Variants in SLC14A2 observed in about 807,000 individuals in gnomAD.
The protein encoded by SLC14A2 is urea transporter 2.
A neutral mutation model predicts 104.6 loss-of-function variants in SLC14A2; 91 were observed. That is an observed-to-expected ratio of 0.87 (90% CI 0.73 to 1.04). The LOEUF is 1.04. SLC14A2 is among the 50% of genes least tolerant of loss of function. The probability of loss-of-function intolerance (pLI) is 0.00; values close to 1 mark genes in which losing one functional copy is unlikely to be tolerated. For missense variants in SLC14A2, 1,189 were observed against 1,156.0 expected (o/e 1.03, Z -0.41); for synonymous variants, 476 against 466.4 (o/e 1.02, Z -0.27).
At position 45,436,869 on chromosome 18, in the gene SLC14A2, T is replaced by A. The variant is rs75783470; in HGVS notation, c.-124-46364T>A. On this transcript the variant is annotated intron_variant, in intron 1 of 20. Coordinates refer to the SLC14A2 transcript ENST00000586448. Reference sequence around the variant, plus strand: ...AACCAAAAAACAATGCATATTCACATCAAAAGGTGGGTGCAAGGGAAAGGG... The same window carrying A: ...AACCAAAAAACAATGCATATTCACAACAAAAGGTGGGTGCAAGGGAAAGGG... Among the ~76,000 whole-genome samples, 162 of 152,046 alleles carry A rather than the reference T, an allele frequency of 1.1e-3. No individual in the cohort carries two copies. In the East Asian group the frequency reaches 0.025, roughly 23 times the overall value.
Position 45,314,739 on chromosome 18 carries a change from C to A in SLC14A2, c.-125+101548C>A, listed in dbSNP as rs73429921. Among the ~76,000 whole-genome samples, 234 of 152,292 alleles carry A rather than the reference C, an allele frequency of 1.5e-3. 1 individual carries two copies. The highest frequency in any genetic ancestry group is 5.2e-3 in the African/African-American group (217 of 41,564). ...ACCTGGAGATAAAAGAACAAAAATC[C>A]TTCAACAATGTTGTAATGTCCTTGG... On this transcript the variant is annotated intron_variant, in intron 1 of 20. Coordinates refer to the SLC14A2 transcript ENST00000586448.
At chr18:45,634,461 T>C (rs553701934) in intron 5 of SLC14A2, among the ~76,000 whole-genome samples, 45 of 152,336 alleles carry the variant, frequency 3.0e-4, no homozygotes, top group African/African-American at 1.0e-3. Flanking sequence ...ATTCCAGACA[T>C]GTGTGCTCAG....
chr18:45,600,155 A>G (rs1427598632), intron 2 of SLC14A2, among the ~76,000 whole-genome samples: 1 of 152,190 alleles, frequency 6.6e-6, no homozygotes, highest in Non-Finnish European at 1.5e-5. Flanking sequence ...AGAAAATAAG[A>G]GGCAGTTAAA....
chr18:45,403,711 C>T (rs1417810112), intron 1 of SLC14A2, among the ~76,000 whole-genome samples: 1 of 152,008 alleles, frequency 6.6e-6, no homozygotes, highest in Admixed American at 6.6e-5. Flanking sequence ...TTCTTTCTAT[C>T]CCCAGTATCA....
chr18:45,523,162 TAAAC>T (rs952296571), intron 2 of SLC14A2, among the ~76,000 whole-genome samples: 5 of 146,172 alleles, frequency 3.4e-5, no homozygotes, highest in African/African-American at 1.0e-4. Flanking sequence ...AAGGATTAAA[TAAAC>T]AAAGGAGGGA....
At chr18:45,224,434 G>T (rs1350904) in intron 1 of SLC14A2, among the ~76,000 whole-genome samples, 2 of 151,996 alleles carry the variant, frequency 1.3e-5, no homozygotes, top group Non-Finnish European at 1.5e-5. Flanking sequence ...GCAGGTCAGG[G>T]CAGATGGGTG....
intron 1 of SLC14A2, among the ~76,000 whole-genome samples, chr18:45,276,400 A>G (rs2084703315): frequency 6.6e-6 from 1 of 152,240 alleles, no homozygotes; most frequent in Non-Finnish European, 1.5e-5. Flanking sequence ...AAGGAAGTCA[A>G]GAAAGACTTA....
chr18:45,263,818 A>G (rs766549470), intron 1 of SLC14A2, among the ~76,000 whole-genome samples: 3 of 152,156 alleles, frequency 2.0e-5, no homozygotes, highest in African/African-American at 4.8e-5. Flanking sequence ...AGCCACTGCA[A>G]TATGTTCCAG....
chr18:45,539,272 T>C (rs971847946), intron 2 of SLC14A2, among the ~76,000 whole-genome samples: 12 of 151,980 alleles, frequency 7.9e-5, no homozygotes, highest in African/African-American at 2.4e-4. Flanking sequence ...TTATTGTACT[T>C]GTGAGGAAGA....
intron 2 of SLC14A2, among the ~76,000 whole-genome samples, chr18:45,599,522 T>C (rs1241207754): frequency 6.6e-6 from 1 of 152,212 alleles, no homozygotes; most frequent in Non-Finnish European, 1.5e-5. Context: ...ACAATTCTGT[T>C]TTGTGATGGG....
At chr18:45,625,287 G>A (rs767684858) in intron 2 of SLC14A2, among the ~76,000 whole-genome samples, 1 of 152,192 alleles carries the variant, frequency 6.6e-6, no homozygotes, top group Non-Finnish European at 1.5e-5. Flanking sequence ...TGAAATTACA[G>A]AAGGTATTGG....
Position 45,644,283 on chromosome 18 carries a change from A to G in SLC14A2, c.1351+123A>G, listed in dbSNP as rs1347124754. The G allele has an allele frequency of 3.5e-5, 30 of 854,936 alleles. No homozygotes were observed. The Admixed American group carries it at 7.7e-4, about 22-fold the overall frequency. The allele number at this position is 854,936 out of a possible 1,614,324, so 53.0% of individuals were successfully genotyped here. ...TCTTTGCCTCTCCTTGCACCTGTGT[A>G]GAACCAAGCACACCTGTAACTTTCT... On this transcript the variant is annotated intron_variant, in intron 10 of 19. Transcript: ENST00000255226.
chr18:45,605,132 C>T (rs1393042671), intron 2 of SLC14A2, among the ~76,000 whole-genome samples: 2 of 152,166 alleles, frequency 1.3e-5, no homozygotes, highest in East Asian at 1.9e-4. Flanking sequence ...TGAGCAACCA[C>T]CAGCATCTTA....
the SLC14A2 span, among the ~76,000 whole-genome samples, chr18:45,183,787 G>A: frequency 2.0e-5 from 3 of 151,180 alleles, no homozygotes. Context: ...GCTGGATGGA[G>A]TGCAGTGGTG....
intron 1 of SLC14A2, among the ~76,000 whole-genome samples, chr18:45,220,097 C>A (rs1232879882): frequency 7.6e-6 from 1 of 131,972 alleles, no homozygotes; most frequent in Non-Finnish European, 1.7e-5. Context: ...GAGTGTCCAC[C>A]TTAGACTTAG....
intron 2 of SLC14A2, chr18:45,528,764 G>A (rs777083413): frequency 2.0e-5 from 3 of 152,202 alleles, no homozygotes; most frequent in Non-Finnish European, 4.4e-5. Context: ...GTGCTAGATA[G>A]CACCCAAGGA....
intron 1 of SLC14A2, among the ~76,000 whole-genome samples, chr18:45,402,068 C>A (rs938894389): frequency 6.6e-6 from 1 of 152,082 alleles, no homozygotes; most frequent in Non-Finnish European, 1.5e-5. Context: ...GAAGCCAAAT[C>A]CCCCTCTAGC....
At chr18:45,372,645 G>A (rs1054726850) in intron 1 of SLC14A2, among the ~76,000 whole-genome samples, 7 of 152,264 alleles carry the variant, frequency 4.6e-5, no homozygotes, top group African/African-American at 1.4e-4. Context: ...CCGATGCAGG[G>A]TAGGGCCTGA....
At chr18:45,351,788 A>C (rs1170374648) in intron 1 of SLC14A2, among the ~76,000 whole-genome samples, 1 of 152,236 alleles carries the variant, frequency 6.6e-6, no homozygotes, top group Non-Finnish European at 1.5e-5. Flanking sequence ...GATGAGACAG[A>C]CATGAAACAG....
Sources: allele counts gnomAD v4.1 joint callset (sites outside exome capture counted in the v4.1 genomes callset), GRCh38; gene constraint gnomAD v4.1.1; transcripts MANE v1.5; gene names NCBI Gene and HGNC (gene_info 2026-07-23, HGNC 2026-07-21).